SIL1: variants seen among roughly 807,000 people sequenced by gnomAD.
The protein encoded by SIL1 is SIL1 nucleotide exchange factor.
Under a neutral mutation model 49.1 loss-of-function variants are expected in SIL1, and 40 were observed. That is an observed-to-expected ratio of 0.81 (90% CI 0.63 to 1.06). The LOEUF is 1.06. Ranked by LOEUF, SIL1 falls within the 50% of genes least tolerant of loss-of-function variation. The pLI is 0.00. For synonymous variants in SIL1, 253 were observed against 250.8 expected, an observed-to-expected ratio of 1.01 and a Z score of -0.08; for missense variants, 500 against 572.6, an observed-to-expected ratio of 0.87 and a Z score of 1.29.
At chr5:139,183,048 C>T (rs1366558877) in intron 1 of SIL1, among the ~76,000 whole-genome samples, 5 of 152,170 alleles carry the variant, frequency 3.3e-5, no homozygotes, top group African/African-American at 9.6e-5. Context: ...ATTTCACATG[C>T]CTGAGGCAGG....
chr5:139,074,862 G>A (rs1171343499), intron 3 of SIL1, among the ~76,000 whole-genome samples: 3 of 151,982 alleles, frequency 2.0e-5, no homozygotes, highest in Non-Finnish European at 4.4e-5. Context: ...GTCTTGCTCT[G>A]TCACCCAGGC....
chr5:138,952,024 T>C lies in SIL1; in HGVS notation c.768-140A>G, dbSNP rs1766792522. ...CCACACGGGGCAAGTCAAACTCAGCTGGGGAAACAAAGACCATCTGGCACA... is the reference window on the plus strand; with the variant it reads ...CCACACGGGGCAAGTCAAACTCAGCCGGGGAAACAAAGACCATCTGGCACA... On this transcript the variant is annotated intron_variant, in intron 7 of 9. Coordinates refer to ENST00000394817, the MANE Select transcript of SIL1 (RefSeq NM_022464.5). 8.9e-6 allele frequency: 7 copies of C among 787,250 alleles called. No homozygotes were observed. In the Admixed American group the frequency reaches 1.4e-4, roughly 16 times the overall value. 48.8% of individuals were successfully genotyped at this position (787,250 alleles called of 1,614,324 possible). A position where few individuals can be genotyped will look rare whatever the true frequency, so the allele number is the denominator to read the frequency against.
At chr5:138,962,347 A>C (rs1362803495) in intron 7 of SIL1, among the ~76,000 whole-genome samples, 4 of 151,998 alleles carry the variant, frequency 2.6e-5, no homozygotes, top group Non-Finnish European at 5.9e-5. Flanking sequence ...AAACCCAGGA[A>C]GCAAAACACT....
intron 7 of SIL1, among the ~76,000 whole-genome samples, chr5:138,971,715 AG>A (rs899522091): frequency 1.3e-5 from 2 of 152,144 alleles, no homozygotes; most frequent in Non-Finnish European, 2.9e-5. Context: ...CTGGAGAGGG[AG>A]GGAAACTCAG....
intron 1 of SIL1, among the ~76,000 whole-genome samples, chr5:139,181,863 C>T (rs1199526006): frequency 6.6e-6 from 1 of 152,112 alleles, no homozygotes; most frequent in African/African-American, 2.4e-5. Flanking sequence ...ACACATTAGC[C>T]CTATTAAAGT....
At position 138,947,581 on chromosome 5, in the gene SIL1, CG is replaced by C; in HGVS notation, c.1030-109del. 1.1e-6 allele frequency: 1 copy of C among 925,916 alleles called. No homozygotes were observed. The highest frequency in any genetic ancestry group is 1.8e-6 in the Non-Finnish European group (1 of 565,402). The allele number at this position is 925,916 out of a possible 1,614,324, so 57.4% of individuals were successfully genotyped here. A position where few individuals can be genotyped will look rare whatever the true frequency, so the allele number is the denominator to read the frequency against. ...GCTCTGCCCTTCAGACAGGAAGGCACGAGGCTGACCCCTGAGGGCCCACCTC... is the reference window on the plus strand; with the variant it reads ...GCTCTGCCCTTCAGACAGGAAGGCACAGGCTGACCCCTGAGGGCCCACCTC... On this transcript the variant is annotated intron_variant, in intron 9 of 9. Coordinates refer to ENST00000394817, the MANE Select transcript of SIL1 (RefSeq NM_022464.5). The surrounding 1 kb of genome is among the most constrained non-coding windows in gnomAD (Gnocchi z 4.1).
intron 3 of SIL1, among the ~76,000 whole-genome samples, chr5:139,110,148 G>A (rs1025518685): frequency 6.7e-6 from 1 of 149,278 alleles, no homozygotes; most frequent in Non-Finnish European, 1.5e-5. Flanking sequence ...CAGCCTGGGT[G>A]ACAGAGCAAG....
intron 7 of SIL1, among the ~76,000 whole-genome samples, chr5:139,020,531 A>G (rs1166971585): frequency 2.0e-5 from 3 of 152,234 alleles, no homozygotes; most frequent in Non-Finnish European, 2.9e-5. Flanking sequence ...TGGGAGGAAC[A>G]ATAGCTCCAA....
intron 1 of SIL1, among the ~76,000 whole-genome samples, chr5:139,161,176 G>A (rs190991405): frequency 6.6e-6 from 1 of 152,312 alleles, no homozygotes; most frequent in Admixed American, 6.5e-5. Context: ...CTGGGAGGCA[G>A]AGGTTGCGAT....
chr5:139,177,561 G>T (rs1263233224), intron 1 of SIL1, among the ~76,000 whole-genome samples: 1 of 152,016 alleles, frequency 6.6e-6, no homozygotes, highest in Non-Finnish European at 1.5e-5. Context: ...TCTAACTAAA[G>T]TCAGCCCCAG....
intron 7 of SIL1, among the ~76,000 whole-genome samples, chr5:138,953,987 G>A (rs746796785): frequency 1.3e-5 from 2 of 152,248 alleles, no homozygotes; most frequent in African/African-American, 4.8e-5. Context: ...CCCCATCATC[G>A]CAGCCTCAGT....
intron 1 of SIL1, among the ~76,000 whole-genome samples, chr5:139,158,787 G>T (rs563764162): frequency 6.6e-6 from 1 of 152,262 alleles, no homozygotes; most frequent in East Asian, 1.9e-4. Flanking sequence ...TTATGTATCC[G>T]CAGGTTCTAA....
Position 139,026,924 on chromosome 5 carries a change from C to T in SIL1, c.522G>A (p.Leu174=). The T allele has an allele frequency of 6.2e-7, 1 of 1,614,220 alleles. No individual in the cohort carries two copies. The highest frequency in any genetic ancestry group is 8.5e-7 in the Non-Finnish European group (1 of 1,180,044). Residue 174 remains leucine, a synonymous_variant, in exon 6 of 10, where the codon CTG becomes CTA. Coordinates refer to ENST00000394817, the MANE Select transcript of SIL1 (RefSeq NM_022464.5). Reference sequence around the variant, plus strand: ...GCATGTCAGTCTCAATGACAACATTCAGCTCATCAAAGTCTTTCTTCAGTT... The same window carrying T: ...GCATGTCAGTCTCAATGACAACATTTAGCTCATCAAAGTCTTTCTTCAGTT... ...IEELKKDFDE[L]NVVIETDMQI...
At chr5:139,153,790 A>G (rs1581137429) in intron 1 of SIL1, among the ~76,000 whole-genome samples, 1 of 152,256 alleles carries the variant, frequency 6.6e-6, no homozygotes, top group Non-Finnish European at 1.5e-5. Context: ...ACATAGTATG[A>G]TAAGTGTCAT....
chr5:139,053,400 C>T (rs189034108), intron 3 of SIL1, among the ~76,000 whole-genome samples: 206 of 152,352 alleles, frequency 1.4e-3, no homozygotes, highest in African/African-American at 4.9e-3. Flanking sequence ...GATCTGCGCC[C>T]TATCACAGCT....
intron 3 of SIL1, among the ~76,000 whole-genome samples, chr5:139,071,819 A>T (rs992472487): frequency 1.3e-5 from 2 of 151,962 alleles, no homozygotes; most frequent in African/African-American, 4.8e-5. Flanking sequence ...GGCACCCACC[A>T]TCAAATCTGG....
chr5:139,169,577 G>A (rs949694848), intron 1 of SIL1, among the ~76,000 whole-genome samples: 1 of 151,482 alleles, frequency 6.6e-6, no homozygotes, highest in Non-Finnish European at 1.5e-5. Context: ...CGCCTCCTGG[G>A]TTTAAGCGAT....
At chr5:139,084,554 T>C (rs1394778525) in intron 3 of SIL1, among the ~76,000 whole-genome samples, 1 of 116,406 alleles carries the variant, frequency 8.6e-6, no homozygotes, top group Non-Finnish European at 1.8e-5. Context: ...AAACACCGCA[T>C]ATTCTCACTC....
At chr5:139,152,684 T>C (rs1247733940) in intron 1 of SIL1, among the ~76,000 whole-genome samples, 1 of 151,400 alleles carries the variant, frequency 6.6e-6, no homozygotes, top group East Asian at 1.9e-4. Context: ...AGCCAGACCA[T>C]GAATCTGACC....
Sources: allele counts gnomAD v4.1 joint callset (sites outside exome capture counted in the v4.1 genomes callset), GRCh38; gene constraint gnomAD v4.1.1; non-coding constraint Gnocchi (gnomAD v3.1); transcripts MANE v1.5; gene names NCBI Gene and HGNC (gene_info 2026-07-23, HGNC 2026-07-21).